MID2: variants seen among roughly 807,000 people sequenced by gnomAD.
MID2 encodes the protein probable E3 ubiquitin-protein ligase MID2.
MID2 carries 13 observed loss-of-function variants against 46.1 expected under a neutral mutation model. The observed-to-expected ratio is 0.28, with a 90% CI of 0.18 to 0.45. MID2 has a LOEUF of 0.45. Ranked by LOEUF, MID2 falls within the 20% of genes least tolerant of loss-of-function variation. The probability of loss-of-function intolerance (pLI) is 1.00; values close to 1 mark genes in which losing one functional copy is unlikely to be tolerated. For missense variants in MID2, 431 were observed against 575.4 expected (o/e 0.75, Z 2.57); for synonymous variants, 199 against 212.3 (o/e 0.94, Z 0.55).
Position 107,841,030 on chromosome X carries a change from G to T in MID2, c.365G>T (p.Arg122Leu). 1.7e-6 allele frequency: 2 copies of T among 1,211,495 alleles called. No homozygotes were observed. Among genetic ancestry groups the T allele is most frequent in the Non-Finnish European group, 2.2e-6 (2 of 895,421 alleles). Residue 122 changes from arginine to leucine, a missense_variant, in exon 2 of 10, where the codon CGG becomes CTG. Arg to Leu is a moderately radical substitution (Grantham distance 102). Transcript: ENST00000262843. ...CCCAATTCCCCTAGTGAGAGCCGCC[G>T]GGAAAGGACTTACAGGCCCACCACT... The part of the protein sequence containing the change: ...SGPNSPSESR[R>L]ERTYRPTTAM...
At chrX:107,911,155 G>A (rs1472037151) in intron 5 of MID2, among the ~76,000 whole-genome samples, 2 of 110,108 alleles carry the variant, frequency 1.8e-5, no homozygotes, top group African/African-American at 3.3e-5. Flanking sequence ...TGTCTGGCGC[G>A]TTGTGGACTT....
At position 107,854,868 on chromosome X, in the gene MID2, T is replaced by C. The variant is rs796676625; in HGVS notation, c.816+164T>C. Among the ~76,000 whole-genome samples, 4 of 111,940 alleles carry C rather than the reference T, an allele frequency of 3.6e-5. No homozygotes were observed. In the East Asian group the frequency reaches 1.1e-3, roughly 31 times the overall value. ...TAGGATGCTTGTTCCAAAAAAAGTG[T>C]CAGAAACCTATGGTTTAAAAAGAAT... On this transcript the variant is annotated intron_variant, in intron 3 of 9. Coordinates refer to ENST00000262843, the MANE Select transcript of MID2 (RefSeq NM_012216.4).
chrX:107,863,978 C>A (rs143552092), intron 3 of MID2, among the ~76,000 whole-genome samples: 2,758 of 112,150 alleles, frequency 0.025, 35 homozygotes, highest in Non-Finnish European at 0.039. Context: ...GGTTAATATT[C>A]CCATTTTTCA....
chrX:107,905,703 T>A (rs1932830427), intron 5 of MID2, 77 bp downstream of exon 5: 3 of 872,617 alleles, frequency 3.4e-6, no homozygotes, highest in South Asian at 6.3e-5. Flanking sequence ...AGTTCAGGCA[T>A]GTATCTAACA....
At chrX:107,905,452 T>A (rs1488424560) in intron 4 of MID2, 26 bp from the exon 5 acceptor site, 1 of 1,161,149 alleles carries the variant, frequency 8.6e-7, no homozygotes, top group Admixed American at 2.5e-5. Flanking sequence ...TTTATCTTAT[T>A]TTTTTCTTTT....
At chrX:107,900,729 C>A (rs1344572046) in intron 3 of MID2, among the ~76,000 whole-genome samples, 1 of 112,265 alleles carries the variant, frequency 8.9e-6, no homozygotes, top group Non-Finnish European at 1.9e-5. Flanking sequence ...AGATTTAATT[C>A]AACTTCCATT....
intron 3 of MID2, among the ~76,000 whole-genome samples, chrX:107,897,309 A>G (rs190258715): frequency 1.8e-5 from 2 of 111,533 alleles, no homozygotes; most frequent in African/African-American, 6.5e-5. Flanking sequence ...TCCCTGGCCA[A>G]AAAAATTACA....
intron 3 of MID2, among the ~76,000 whole-genome samples, chrX:107,856,192 A>AAAAT (rs1330147679): frequency 6.2e-5 from 7 of 112,031 alleles, no homozygotes; most frequent in African/African-American, 2.3e-4. Context: ...AGGGAGAAAC[A>AAAAT]AAATATAAAG....
At chrX:107,860,837 C>A (rs550187146) in intron 3 of MID2, among the ~76,000 whole-genome samples, 3 of 111,796 alleles carry the variant, frequency 2.7e-5, no homozygotes, top group African/African-American at 9.7e-5. Flanking sequence ...CTGTTAATAC[C>A]CCTACTTTAC....
intron 3 of MID2, among the ~76,000 whole-genome samples, chrX:107,897,449 C>T (rs1569469055): frequency 8.9e-6 from 1 of 112,015 alleles, no homozygotes; most frequent in Non-Finnish European, 1.9e-5. Flanking sequence ...TAAGTGACCA[C>T]CCTCCCTCAA....
At chrX:107,909,374 C>A (rs781344675) in intron 5 of MID2, among the ~76,000 whole-genome samples, 1 of 111,696 alleles carries the variant, frequency 9.0e-6, no homozygotes, top group Non-Finnish European at 1.9e-5. Flanking sequence ...TCCCTCTTAT[C>A]TTTTTGGGTG....
chrX:107,880,097 C>G (rs1159496067), intron 3 of MID2, among the ~76,000 whole-genome samples: 1 of 107,780 alleles, frequency 9.3e-6, no homozygotes, highest in Non-Finnish European at 1.9e-5. Flanking sequence ...TGGGCCATGC[C>G]TCTCAGAATT....
chrX:107,887,856 A>G (rs5962909), intron 3 of MID2, among the ~76,000 whole-genome samples: 18,461 of 109,796 alleles, frequency 0.17, 1,567 homozygotes, highest in African/African-American at 0.31. Flanking sequence ...GTCTTGGGAG[A>G]GTGTATGTGT....
intron 2 of MID2, among the ~76,000 whole-genome samples, chrX:107,846,651 C>A (rs1355801608): frequency 9.0e-6 from 1 of 111,727 alleles, no homozygotes; most frequent in Non-Finnish European, 1.9e-5. Flanking sequence ...CTTTTCTCTG[C>A]AAGACTTATA....
intron 2 of MID2, among the ~76,000 whole-genome samples, chrX:107,841,935 T>G (rs1440654473): frequency 8.9e-6 from 1 of 112,463 alleles, no homozygotes; most frequent in Non-Finnish European, 1.9e-5. Flanking sequence ...AGTTTGGCAT[T>G]GGCCATTACA....
At chrX:107,852,356 A>G (rs1320814353) in intron 2 of MID2, among the ~76,000 whole-genome samples, 1 of 112,238 alleles carries the variant, frequency 8.9e-6, no homozygotes, top group African/African-American at 3.2e-5. Context: ...TAGGTGTTCA[A>G]TACATTTTTG....
intron 5 of MID2, among the ~76,000 whole-genome samples, chrX:107,914,633 A>T (rs954935369): frequency 8.9e-6 from 1 of 112,161 alleles, no homozygotes; most frequent in Non-Finnish European, 1.9e-5. Flanking sequence ...TTGCCAAGTG[A>T]ATTTTTCTTT....
intron 3 of MID2, among the ~76,000 whole-genome samples, chrX:107,891,069 A>T (rs1278157125): frequency 9.1e-6 from 1 of 110,029 alleles, no homozygotes; most frequent in Non-Finnish European, 1.9e-5. Flanking sequence ...TTCCTGGGTG[A>T]GGCGATGCCT....
At chrX:107,841,570 C>A in intron 2 of MID2, among the ~76,000 whole-genome samples, 185 bp downstream of exon 2, 1 of 112,723 alleles carries the variant, frequency 8.9e-6, no homozygotes, top group Non-Finnish European at 1.9e-5. Context: ...CATAAACATT[C>A]TTGCAGTCAC....
Sources: gnomAD v4.1 joint callset for allele counts (sites outside exome capture counted in the v4.1 genomes callset) on GRCh38, gnomAD v4.1.1 for gene constraint, MANE v1.5 for transcripts, NCBI Gene and HGNC (gene_info 2026-07-23, HGNC 2026-07-21) for gene names.